The following AMD1 variants were observed in gnomAD, a reference collection of about 807,000 sequenced individuals.
The protein encoded by AMD1 is S-adenosylmethionine decarboxylase proenzyme.
A neutral mutation model predicts 40.2 loss-of-function variants in AMD1; 11 were observed. That is an observed-to-expected ratio of 0.27 (90% confidence interval 0.17 to 0.45). The LOEUF (loss-of-function observed/expected upper bound fraction) is 0.45. Ranked by LOEUF, AMD1 falls within the 20% of genes least tolerant of loss-of-function variation. The probability of loss-of-function intolerance (pLI) is 1.00; values close to 1 mark genes in which losing one functional copy is unlikely to be tolerated. For missense variants in AMD1, 257 were observed against 410.2 expected (o/e 0.63, Z 3.23); for synonymous variants, 121 against 130.8 (o/e 0.93, Z 0.51).
chr6:110,892,507 A>G, intron 6 of AMD1, 64 bp downstream of exon 6: 3 of 1,594,788 alleles, frequency 1.9e-6, no homozygotes, highest in South Asian at 1.1e-5. Flanking sequence ...TTTATTTTTC[A>G]TTCTGTAACT....
the AMD1 span, among the ~76,000 whole-genome samples, chr6:110,857,609 GTA>G: frequency 1.8e-5 from 2 of 108,674 alleles, no homozygotes; most frequent in East Asian, 7.5e-4. Flanking sequence ...TATATATATG[GTA>G]TATATATAGG....
At chr6:110,847,293 A>C in the AMD1 span, among the ~76,000 whole-genome samples, 6 of 152,122 alleles carry the variant, frequency 3.9e-5, no homozygotes, top group Non-Finnish European at 8.8e-5. Flanking sequence ...TGGGAGGCCG[A>C]GGCAGGCGGA....
At chr6:110,815,269 C>CTCTCGCGCGCGCGCG in the AMD1 span, 1 of 1,055,638 alleles carries the variant, frequency 9.5e-7, no homozygotes, top group Non-Finnish European at 1.2e-6. Context: ...CGCCCGCCGC[C>CTCTCGCGCGCGCGCG]CGCCGCTCCG....
chr6:110,819,510 T>A, the AMD1 span, among the ~76,000 whole-genome samples: 2 of 152,202 alleles, frequency 1.3e-5, no homozygotes, highest in Non-Finnish European at 2.9e-5. Context: ...GAATCCAAGA[T>A]AACTTTGAGA....
At chr6:110,880,913 C>G (rs1467955374) in intron 1 of AMD1, among the ~76,000 whole-genome samples, 1 of 152,142 alleles carries the variant, frequency 6.6e-6, no homozygotes, top group Non-Finnish European at 1.5e-5. Flanking sequence ...CTCAAGTGAT[C>G]CGCCTGCCTC....
chr6:110,888,972 G>A lies in AMD1; in HGVS notation c.313G>A (p.Asp105Asn). 1 of 1,612,934 alleles carries A rather than the reference G, an allele frequency of 6.2e-7. No individual in the cohort carries two copies. The highest frequency in any genetic ancestry group is 8.5e-7 in the Non-Finnish European group (1 of 1,179,598). ...LKLARDYSGF[D>N]SIQSFFYSRK... Reference sequence around the variant, plus strand: ...GCTTGCTAGGGATTACAGTGGGTTTGACTCAATTCAAGTAAGTAAGCAAAC... The same window carrying A: ...GCTTGCTAGGGATTACAGTGGGTTTAACTCAATTCAAGTAAGTAAGCAAAC... Residue 105 changes from aspartate to asparagine, a missense_variant, in exon 3 of 9, where the codon GAC becomes AAC. Asp to Asn is a conservative substitution (Grantham distance 23). This residue lies in a region of AMD1 where 192 missense variants were observed against 296.5 expected (regional missense o/e 0.65). Coordinates refer to ENST00000368885, the MANE Select transcript of AMD1 (RefSeq NM_001634.6).
chr6:110,854,225 A>G, the AMD1 span, among the ~76,000 whole-genome samples: 1 of 152,174 alleles, frequency 6.6e-6, no homozygotes, highest in Non-Finnish European at 1.5e-5. Flanking sequence ...ATTCTTTAGC[A>G]CTGGTGGTAC....
rs537148154 is a variant in AMD1, at chr6:110,879,675, T to C, written c.110+4460T>C. On this transcript the variant is annotated intron_variant, in intron 1 of 8. Coordinates refer to ENST00000368885, the MANE Select transcript of AMD1 (RefSeq NM_001634.6). ...CCTGGGGTAGAGGCACCCTGATGAA[T>C]GTACTGTAATGAGAGCCTCTAAAAC... Among the ~76,000 whole-genome samples the C allele has an allele frequency of 2.0e-5, 3 of 152,302 alleles. No homozygotes were observed. In the South Asian group the frequency reaches 6.2e-4, roughly 32 times the overall value.
the AMD1 span, among the ~76,000 whole-genome samples, chr6:110,838,386 C>CAA: frequency 6.9e-6 from 1 of 144,372 alleles, no homozygotes; most frequent in Non-Finnish European, 1.5e-5. Context: ...GACTCCATCT[C>CAA]AAAAAAAAAA....
chr6:110,858,524 G>A, the AMD1 span: 1 of 1,593,038 alleles, frequency 6.3e-7, no homozygotes, highest in Non-Finnish European at 8.6e-7. Context: ...CAAGGCCATG[G>A]TCAGCTACGG....
chr6:110,820,541 G>A, the AMD1 span, among the ~76,000 whole-genome samples: 3 of 151,676 alleles, frequency 2.0e-5, no homozygotes, highest in African/African-American at 4.8e-5. Flanking sequence ...CCGGCTGGTA[G>A]TAAATCGTTT....
intron 1 of AMD1, 97 bp downstream of exon 1, chr6:110,875,312 A>G (rs1031858035): frequency 3.9e-6 from 4 of 1,022,936 alleles, no homozygotes; most frequent in South Asian, 1.4e-5. Flanking sequence ...CTCAGCTTTC[A>G]GTTGGGGGCA....
the AMD1 span, among the ~76,000 whole-genome samples, chr6:110,864,915 A>G: frequency 6.6e-6 from 1 of 152,240 alleles, no homozygotes; most frequent in African/African-American, 2.4e-5. Flanking sequence ...TTACAAACTT[A>G]AACATCCACT....
chr6:110,845,701 G>T, the AMD1 span, among the ~76,000 whole-genome samples: 1 of 152,172 alleles, frequency 6.6e-6, no homozygotes, highest in Non-Finnish European at 1.5e-5. Flanking sequence ...GAGACAGAAG[G>T]CTGCACTGTC....
intron 3 of AMD1, 137 bp from the exon 4 acceptor site, chr6:110,890,117 C>A: frequency 1.6e-6 from 1 of 630,886 alleles, no homozygotes; most frequent in Non-Finnish European, 2.7e-6. Flanking sequence ...CATATGCTAC[C>A]ATGCCAAGCT....
At chr6:110,845,198 C>T in the AMD1 span, among the ~76,000 whole-genome samples, 1 of 151,984 alleles carries the variant, frequency 6.6e-6, no homozygotes, top group Non-Finnish European at 1.5e-5. Context: ...GCCACCACGC[C>T]CGGCTAATTT....
chr6:110,859,079 C>T, the AMD1 span: 20 of 1,287,432 alleles, frequency 1.6e-5, no homozygotes, highest in African/African-American at 7.2e-5. Context: ...ACAGGGCTCC[C>T]TCGGGCGCGC....
chr6:110,855,973 C>T, the AMD1 span, among the ~76,000 whole-genome samples: 62 of 152,058 alleles, frequency 4.1e-4, 1 homozygote, highest in South Asian at 2.3e-3. Flanking sequence ...CCAGCTACTC[C>T]GGAGGCTGCG....
the AMD1 span, among the ~76,000 whole-genome samples, chr6:110,833,177 C>T: frequency 3.9e-5 from 6 of 152,178 alleles, no homozygotes; most frequent in African/African-American, 1.2e-4. Context: ...AAGGCTATGT[C>T]TATTTCATTC....
Sources: gnomAD v4.1 joint callset for allele counts (sites outside exome capture counted in the v4.1 genomes callset) on GRCh38, gnomAD v4.1.1 for gene constraint, gnomAD v4.1.1 regional missense constraint, MANE v1.5 for transcripts, NCBI Gene and HGNC (gene_info 2026-07-23, HGNC 2026-07-21) for gene names.